CAMK2D: variants seen among roughly 807,000 people sequenced by gnomAD.
CAMK2D encodes calcium/calmodulin-dependent protein kinase type II subunit delta.
A neutral mutation model predicts 84.0 loss-of-function variants in CAMK2D; 37 were observed. That is an observed-to-expected ratio of 0.44 (90% confidence interval 0.34 to 0.58). CAMK2D has a LOEUF of 0.58. CAMK2D is among the 20% of genes least tolerant of loss of function. CAMK2D has a pLI of 0.02. For synonymous variants in CAMK2D, 202 were observed against 212.5 expected, an observed-to-expected ratio of 0.95 and a Z score of 0.43; for missense variants, 448 against 652.5, an observed-to-expected ratio of 0.69 and a Z score of 3.41.
intron 12 of CAMK2D, 30 bp from the exon 13 acceptor site, chr4:113,509,705 G>A (rs768371070): frequency 2.6e-6 from 4 of 1,557,394 alleles, no homozygotes; most frequent in African/African-American, 2.7e-5. Flanking sequence ...TCAGTTTAGT[G>A]AGTTATCCAT....
intron 16 of CAMK2D, among the ~76,000 whole-genome samples, chr4:113,475,411 G>C (rs1385516268): frequency 6.6e-6 from 1 of 152,070 alleles, no homozygotes. Context: ...TTTTGAGAAA[G>C]AACTAGGCTG....
chr4:113,707,051 T>C (rs2099460981), intron 2 of CAMK2D, among the ~76,000 whole-genome samples: 1 of 152,050 alleles, frequency 6.6e-6, no homozygotes, highest in South Asian at 2.1e-4. Context: ...AGAATTGAAA[T>C]GTAGCAGAAA....
At chr4:113,686,788 T>C (rs2154338437) in intron 2 of CAMK2D, among the ~76,000 whole-genome samples, 1 of 152,250 alleles carries the variant, frequency 6.6e-6, no homozygotes, top group East Asian at 1.9e-4. Flanking sequence ...GTGTGAGATT[T>C]TACGCCAAGC....
chr4:113,660,273 T>C (rs1308497254), intron 3 of CAMK2D, among the ~76,000 whole-genome samples: 1 of 152,254 alleles, frequency 6.6e-6, no homozygotes, highest in African/African-American at 2.4e-5. Context: ...TTCCTGTGTT[T>C]TTCTTGTTTC....
At chr4:113,564,098 AGAGTTTTTATACT>A (rs1215732442) in intron 4 of CAMK2D, among the ~76,000 whole-genome samples, 1 of 152,162 alleles carries the variant, frequency 6.6e-6, no homozygotes, top group Non-Finnish European at 1.5e-5. Flanking sequence ...CCCTATATTA[AGAGTTTTTATACT>A]GAAGCAATTT....
chr4:113,517,809 T>C, intron 8 of CAMK2D, 152 bp from the exon 9 acceptor site: 1 of 494,292 alleles, frequency 2.0e-6, no homozygotes, highest in Non-Finnish European at 3.7e-6. Context: ...TGATCTAGTC[T>C]AGAGCAGTCT....
chr4:113,656,420 G>A (rs1179991081), intron 3 of CAMK2D, among the ~76,000 whole-genome samples: 1 of 152,116 alleles, frequency 6.6e-6, no homozygotes, highest in Non-Finnish European at 1.5e-5. Context: ...GTACTAGGCT[G>A]ATAAGACTAG....
intron 4 of CAMK2D, among the ~76,000 whole-genome samples, chr4:113,606,252 C>T (rs1052906705): frequency 1.3e-5 from 2 of 152,040 alleles, no homozygotes; most frequent in Admixed American, 6.6e-5. Flanking sequence ...AGGCAGATCA[C>T]GAGGTCAGGA....
intron 4 of CAMK2D, among the ~76,000 whole-genome samples, chr4:113,585,096 T>C (rs765673592): frequency 1.3e-5 from 2 of 152,160 alleles, no homozygotes; most frequent in Admixed American, 6.6e-5. Flanking sequence ...TAGAGAAACA[T>C]AATGTGTTCA....
At chr4:113,648,967 A>G (rs142934674) in intron 3 of CAMK2D, among the ~76,000 whole-genome samples, 6 of 152,154 alleles carry the variant, frequency 3.9e-5, no homozygotes, top group African/African-American at 9.7e-5. Context: ...ATTTCTCCCA[A>G]TGTTTTTTCC....
At chr4:113,662,044 C>G (rs2099235374) in intron 2 of CAMK2D, among the ~76,000 whole-genome samples, 1 of 152,120 alleles carries the variant, frequency 6.6e-6, no homozygotes, top group Non-Finnish European at 1.5e-5. Context: ...CAAAACAATA[C>G]TATTCTTTCT....
intron 3 of CAMK2D, among the ~76,000 whole-genome samples, chr4:113,638,268 G>C (rs1239773486): frequency 8.5e-5 from 13 of 152,196 alleles, no homozygotes; most frequent in Admixed American, 8.5e-4. Context: ...AGACAGGTGT[G>C]TGTGTGTATG....
At chr4:113,470,500 T>G (rs959625712) in intron 16 of CAMK2D, among the ~76,000 whole-genome samples, 1 of 152,040 alleles carries the variant, frequency 6.6e-6, no homozygotes, top group African/African-American at 2.4e-5. Flanking sequence ...TAGCTAGGTG[T>G]GGTGGCACGC....
intron 2 of CAMK2D, among the ~76,000 whole-genome samples, chr4:113,664,622 T>G (rs755901936): frequency 6.6e-6 from 1 of 152,074 alleles, no homozygotes; most frequent in Non-Finnish European, 1.5e-5. Context: ...GGGAAGAGTA[T>G]GGTAAGCAAA....
At chr4:113,509,511 A>C in intron 13 of CAMK2D, 127 bp downstream of exon 13, 3 of 649,418 alleles carry the variant, frequency 4.6e-6, no homozygotes, top group Non-Finnish European at 8.2e-6. Flanking sequence ...TTCATATTTC[A>C]ACCTGCAACC....
chr4:113,624,193 C>A (rs184581112), intron 3 of CAMK2D, among the ~76,000 whole-genome samples: 1 of 152,022 alleles, frequency 6.6e-6, no homozygotes, highest in African/African-American at 2.4e-5. Flanking sequence ...TAAGTTTAAC[C>A]GCCTTGGAAG....
At chr4:113,614,957 A>G (rs2099015458) in intron 3 of CAMK2D, among the ~76,000 whole-genome samples, 1 of 152,182 alleles carries the variant, frequency 6.6e-6, no homozygotes, top group Admixed American at 6.5e-5. Flanking sequence ...TAATAGAGTA[A>G]TTCATACAGA....
chr4:113,679,775 G>A (rs1459122434), intron 2 of CAMK2D, among the ~76,000 whole-genome samples: 1 of 152,116 alleles, frequency 6.6e-6, no homozygotes, highest in Admixed American at 6.6e-5. Flanking sequence ...TTCATAGTAG[G>A]TGTCAGACTT....
intron 3 of CAMK2D, among the ~76,000 whole-genome samples, chr4:113,631,126 A>G (rs112317957): frequency 3.5e-4 from 53 of 152,298 alleles, no homozygotes; most frequent in Admixed American, 7.2e-4. Context: ...TTGGTATTCT[A>G]AAGTCTGTGA....
Sources: allele counts gnomAD v4.1 joint callset (sites outside exome capture counted in the v4.1 genomes callset), GRCh38; gene constraint gnomAD v4.1.1; transcripts MANE v1.5; gene names NCBI Gene and HGNC (gene_info 2026-07-23, HGNC 2026-07-21).